NEK1: variants seen among roughly 807,000 people sequenced by gnomAD.
NEK1 encodes serine/threonine-protein kinase Nek1.
A neutral mutation model predicts 182.1 loss-of-function variants in NEK1; 137 were observed. That is an observed-to-expected ratio of 0.75 (90% CI 0.65 to 0.87). The LOEUF is 0.87. NEK1 is among the 40% of genes least tolerant of loss of function. The pLI, the probability that NEK1 is intolerant of heterozygous loss-of-function variation, is 0.00. For missense variants in NEK1, 1,391 were observed against 1,494.4 expected, an observed-to-expected ratio of 0.93 and a Z score of 1.14; for synonymous variants, 513 against 492.2, an observed-to-expected ratio of 1.04 and a Z score of -0.56.
At chr4:169,493,440 A>G (rs1420334451) in intron 23 of NEK1, among the ~76,000 whole-genome samples, 1 of 152,250 alleles carries the variant, frequency 6.6e-6, no homozygotes, top group Non-Finnish European at 1.5e-5. Context: ...ATGGATCCTA[A>G]GCAGACTGAA....
chr4:169,540,328 A>C (rs1248697543), intron 18 of NEK1, among the ~76,000 whole-genome samples: 1 of 152,288 alleles, frequency 6.6e-6, no homozygotes, highest in East Asian at 1.9e-4. Context: ...ATATTAATAG[A>C]ATAAAAGACA....
intron 18 of NEK1, among the ~76,000 whole-genome samples, chr4:169,544,893 G>C (rs1231450956): frequency 1.3e-5 from 2 of 150,244 alleles, no homozygotes; most frequent in Non-Finnish European, 3.0e-5. Context: ...AGTCTTGCTA[G>C]TGATCTATCA....
At chr4:169,479,806 T>A (rs1747659888) in intron 23 of NEK1, among the ~76,000 whole-genome samples, 2 of 152,178 alleles carry the variant, frequency 1.3e-5, no homozygotes, top group South Asian at 4.1e-4. Flanking sequence ...CATGAAATGA[T>A]CCTGAAAAAC....
chr4:169,427,193 C>A (rs1290078388), intron 29 of NEK1, among the ~76,000 whole-genome samples: 1 of 152,072 alleles, frequency 6.6e-6, no homozygotes. Flanking sequence ...GTGGCACGAT[C>A]TCGGCTCACT....
chr4:169,453,537 T>C (rs1334679294), intron 27 of NEK1, among the ~76,000 whole-genome samples: 1 of 152,124 alleles, frequency 6.6e-6, no homozygotes, highest in Non-Finnish European at 1.5e-5. Context: ...TGCTGGAAGG[T>C]TGTGGGTTTA....
chr4:169,515,363 T>A (rs184265305), intron 19 of NEK1, among the ~76,000 whole-genome samples: 202 of 152,316 alleles, frequency 1.3e-3, no homozygotes, highest in Non-Finnish European at 2.1e-3. Context: ...GTTCTATCAA[T>A]TGCTGAGAGC....
At chr4:169,484,985 T>A (rs928436241) in intron 23 of NEK1, among the ~76,000 whole-genome samples, 1 of 152,256 alleles carries the variant, frequency 6.6e-6, no homozygotes, top group Non-Finnish European at 1.5e-5. Context: ...AGTCTGGTTT[T>A]AGTTCCTGAT....
At chr4:169,469,132 G>A (rs538728860) in intron 26 of NEK1, among the ~76,000 whole-genome samples, 1 of 151,802 alleles carries the variant, frequency 6.6e-6, no homozygotes, top group African/African-American at 2.4e-5. Flanking sequence ...GTTCTGCTCT[G>A]ATCTTAGTTA....
chr4:169,538,480 A>C (rs1758857489), intron 18 of NEK1, among the ~76,000 whole-genome samples: 2 of 152,210 alleles, frequency 1.3e-5, no homozygotes, highest in Admixed American at 6.5e-5. Flanking sequence ...TTCCAATTTT[A>C]CTTTTGTGTC....
chr4:169,602,439 TAAAG>T, intron 3 of NEK1, 71 bp downstream of exon 3: 1 of 810,204 alleles, frequency 1.2e-6, no homozygotes, highest in African/African-American at 1.8e-5. Flanking sequence ...TTTTTTTTTT[TAAAG>T]AAAATCTCTA....
Position 169,424,789 on chromosome 4 carries a change from T to G in NEK1, c.2986A>C (p.Asn996His). 1 of 1,607,556 alleles carries G rather than the reference T, an allele frequency of 6.2e-7. No individual in the cohort carries two copies. Among genetic ancestry groups the G allele is most frequent in the Non-Finnish European group, 8.5e-7 (1 of 1,174,586 alleles). The change falls in exon 31 of 36, where the codon AAT becomes CAT. Residue 996 changes from asparagine (N) to histidine (H), a missense_variant. Physicochemically the swap from Asn to His is moderately conservative, Grantham distance 68. Transcript: ENST00000507142. ...LSDIHIEPGTNDSQHSKCDVD... is the reference protein window; with the variant it reads ...LSDIHIEPGTHDSQHSKCDVD... ...TCACATTTAGAGTGCTGAGAATCAT[T>G]GGTTCCAGGCTCTGTGGTAGAAAGG...
intron 12 of NEK1, 77 bp from the exon 13 acceptor site, chr4:169,562,273 T>A: frequency 1.0e-6 from 1 of 1,004,624 alleles, no homozygotes; most frequent in Non-Finnish European, 1.5e-6. Flanking sequence ...TACAGAAATT[T>A]AAGATAAGAA....
chr4:169,453,900 T>A (rs1173929985), intron 27 of NEK1, among the ~76,000 whole-genome samples: 2 of 152,104 alleles, frequency 1.3e-5, no homozygotes, highest in Non-Finnish European at 2.9e-5. Flanking sequence ...TGCGGCTGGG[T>A]TAGGGTCTCC....
At chr4:169,411,091 TCA>T (rs1275997696) in intron 31 of NEK1, among the ~76,000 whole-genome samples, 2 of 152,214 alleles carry the variant, frequency 1.3e-5, no homozygotes, top group East Asian at 1.9e-4. Context: ...GGTCTCACTC[TCA>T]GTCTTCCTGC....
intron 12 of NEK1, among the ~76,000 whole-genome samples, chr4:169,569,467 C>CCTCCCTCTCTCCCTCTCTCCCTCT (rs201240082): frequency 8.5e-6 from 1 of 118,220 alleles, no homozygotes; most frequent in Non-Finnish European, 1.7e-5. Context: ...TCTCTCCCTC[C>CCTCCCTCTCTCCCTCTCTCCCTCT]CTCCCTCTCT....
At chr4:169,443,936 A>G (rs1306823649) in intron 27 of NEK1, among the ~76,000 whole-genome samples, 1 of 152,196 alleles carries the variant, frequency 6.6e-6, no homozygotes, top group Non-Finnish European at 1.5e-5. Context: ...AGCCAAGAAT[A>G]CTATACCCAC....
At chr4:169,434,309 C>G (rs1300803482) in intron 28 of NEK1, among the ~76,000 whole-genome samples, 6 of 150,388 alleles carry the variant, frequency 4.0e-5, no homozygotes, top group African/African-American at 1.5e-4. Context: ...ACCTCCCGGG[C>G]TCAAGTGATC....
chr4:169,524,461 C>CAAAAA (rs953408098), intron 19 of NEK1, among the ~76,000 whole-genome samples: 1 of 50,586 alleles, frequency 2.0e-5, no homozygotes, highest in Non-Finnish European at 5.0e-5. Context: ...AATTCCATCT[C>CAAAAA]AAAAAAAAAA....
intron 18 of NEK1, among the ~76,000 whole-genome samples, chr4:169,541,134 G>C (rs551733107): frequency 6.6e-6 from 1 of 152,120 alleles, no homozygotes; most frequent in Non-Finnish European, 1.5e-5. Context: ...TTGGGCAGAA[G>C]AGATGGGGTG....
Sources: gnomAD v4.1 joint callset for allele counts (sites outside exome capture counted in the v4.1 genomes callset) on GRCh38, gnomAD v4.1.1 for gene constraint, MANE v1.5 for transcripts, NCBI Gene and HGNC (gene_info 2026-07-23, HGNC 2026-07-21) for gene names.